Variants in DPP10 observed in about 807,000 individuals in gnomAD.
DPP10 encodes the protein dipeptidyl peptidase like 10.
In DPP10, 33 loss-of-function variants were observed where a neutral mutation model predicts 120.9. The observed-to-expected ratio is 0.27, with a 90% confidence interval of 0.21 to 0.37. The LOEUF is 0.37. Ranked by LOEUF, DPP10 falls within the 10% of genes least tolerant of loss-of-function variation. The pLI is 1.00. For synonymous variants in DPP10, 337 were observed against 326.1 expected, an observed-to-expected ratio of 1.03 and a Z score of -0.36; for missense variants, 816 against 942.8, an observed-to-expected ratio of 0.87 and a Z score of 1.76.
intron 1 of DPP10, among the ~76,000 whole-genome samples, chr2:115,197,341 G>A (rs1187365693): frequency 2.0e-5 from 3 of 150,498 alleles, no homozygotes; most frequent in Admixed American, 6.6e-5. Flanking sequence ...GCAGTGAGCC[G>A]AGATCATGCC....
intron 1 of DPP10, among the ~76,000 whole-genome samples, chr2:115,253,629 C>T (rs2105690833): frequency 6.6e-6 from 1 of 152,334 alleles, no homozygotes; most frequent in South Asian, 2.1e-4. Context: ...AGTTTGAAAC[C>T]TGGCAGGACA....
chr2:115,343,318 T>G (rs1010324860), intron 2 of DPP10, among the ~76,000 whole-genome samples: 9 of 152,284 alleles, frequency 5.9e-5, no homozygotes, highest in African/African-American at 2.2e-4. Flanking sequence ...GGTACTAATT[T>G]TTTTGGTGGA....
intron 1 of DPP10, among the ~76,000 whole-genome samples, chr2:114,872,566 G>A (rs540448165): frequency 6.6e-6 from 1 of 152,260 alleles, no homozygotes; most frequent in East Asian, 1.9e-4. Flanking sequence ...GTGAGTTCAG[G>A]TACTTCAATT....
At chr2:115,340,679 A>G (rs995654704) in intron 2 of DPP10, among the ~76,000 whole-genome samples, 2 of 151,902 alleles carry the variant, frequency 1.3e-5, no homozygotes, top group African/African-American at 4.8e-5. Context: ...AAAAATGTAA[A>G]TGAAATATGT....
At chr2:114,604,721 C>T (rs908779654) in intron 1 of DPP10, among the ~76,000 whole-genome samples, 10 of 152,128 alleles carry the variant, frequency 6.6e-5, no homozygotes, top group Non-Finnish European at 1.0e-4. Context: ...ATGACTTCTG[C>T]ACTGGTTTCT....
chr2:115,115,626 G>A (rs1395887928), intron 1 of DPP10, among the ~76,000 whole-genome samples: 1 of 152,070 alleles, frequency 6.6e-6, no homozygotes, highest in African/African-American at 2.4e-5. Flanking sequence ...TTTAGTACAT[G>A]CAACTTCAGT....
intron 1 of DPP10, among the ~76,000 whole-genome samples, chr2:114,737,101 G>GA (rs1305051360): frequency 9.2e-5 from 14 of 152,128 alleles, no homozygotes; most frequent in African/African-American, 3.4e-4. Context: ...GTTGCTAATT[G>GA]AAAAAACAAA....
At chr2:114,860,128 A>G (rs1431242633) in intron 1 of DPP10, among the ~76,000 whole-genome samples, 4 of 152,212 alleles carry the variant, frequency 2.6e-5, no homozygotes, top group African/African-American at 9.7e-5. Flanking sequence ...ATCCCAACCT[A>G]CAGGAATTAA....
At chr2:115,392,516 C>T (rs2067387860) in intron 3 of DPP10, among the ~76,000 whole-genome samples, 1 of 151,976 alleles carries the variant, frequency 6.6e-6, no homozygotes. Context: ...TTACACTCAT[C>T]CTCTTAATAT....
chr2:114,748,047 A>C (rs1678748333), intron 1 of DPP10, among the ~76,000 whole-genome samples: 2 of 152,210 alleles, frequency 1.3e-5, no homozygotes, highest in African/African-American at 4.8e-5. Flanking sequence ...ACTTGAATCC[A>C]GTAATAAAAA....
chr2:115,796,548 CT>C, intron 19 of DPP10, among the ~76,000 whole-genome samples: 1 of 152,072 alleles, frequency 6.6e-6, no homozygotes, highest in African/African-American at 2.4e-5. Flanking sequence ...TAATTGATTT[CT>C]GTATGGGTCC....
intron 3 of DPP10, among the ~76,000 whole-genome samples, chr2:115,429,735 T>TTTC (rs1553599429): frequency 6.6e-6 from 1 of 151,666 alleles, no homozygotes; most frequent in Non-Finnish European, 1.5e-5. Context: ...AACATAAACT[T>TTTC]CTCAGAAGAG....
At chr2:115,630,414 T>C (rs1353717581) in intron 5 of DPP10, among the ~76,000 whole-genome samples, 1 of 152,156 alleles carries the variant, frequency 6.6e-6, no homozygotes, top group Non-Finnish European at 1.5e-5. Flanking sequence ...TCTTGCCTGA[T>C]TGCCCTGGCC....
chr2:115,558,287 T>C (rs2080345725), intron 5 of DPP10, among the ~76,000 whole-genome samples: 1 of 152,144 alleles, frequency 6.6e-6, no homozygotes, highest in African/African-American at 2.4e-5. Context: ...TGCCATAGTG[T>C]ATGAAATAGA....
At chr2:115,770,585 G>A (rs781025236) in intron 13 of DPP10, among the ~76,000 whole-genome samples, 1 of 151,922 alleles carries the variant, frequency 6.6e-6, no homozygotes, top group Non-Finnish European at 1.5e-5. Context: ...TCAGTGCTAG[G>A]TAAATACAAT....
chr2:115,642,969 C>T (rs888444830), intron 5 of DPP10, among the ~76,000 whole-genome samples: 2 of 152,024 alleles, frequency 1.3e-5, no homozygotes, highest in Non-Finnish European at 2.9e-5. Flanking sequence ...AGATTGACCT[C>T]ATCTATCATT....
At chr2:114,743,130 G>A (rs1452552176) in intron 1 of DPP10, among the ~76,000 whole-genome samples, 1 of 152,134 alleles carries the variant, frequency 6.6e-6, no homozygotes, top group Non-Finnish European at 1.5e-5. Flanking sequence ...CTAACATGAA[G>A]CAATATTCCT....
At chr2:114,520,867 A>G (rs1235669150) in intron 1 of DPP10, among the ~76,000 whole-genome samples, 2 of 152,146 alleles carry the variant, frequency 1.3e-5, no homozygotes, top group African/African-American at 4.8e-5. Context: ...AGAACCAAAT[A>G]CTCAAATAGA....
chr2:114,722,965 A>G (rs919007822), intron 1 of DPP10, among the ~76,000 whole-genome samples: 2 of 152,042 alleles, frequency 1.3e-5, no homozygotes, highest in Non-Finnish European at 2.9e-5. Flanking sequence ...GTTAAATACC[A>G]TATTGGAGAA....
Sources: gnomAD v4.1 joint callset for allele counts (sites outside exome capture counted in the v4.1 genomes callset) on GRCh38, gnomAD v4.1.1 for gene constraint, MANE v1.5 for transcripts, NCBI Gene and HGNC (gene_info 2026-07-23, HGNC 2026-07-21) for gene names.